The following SHQ1 variants were observed in gnomAD, a reference collection of about 807,000 sequenced individuals.
SHQ1 encodes the protein protein SHQ1 homolog.
Under a neutral mutation model 53.8 loss-of-function variants are expected in SHQ1, and 49 were observed. That is an observed-to-expected ratio of 0.91 (90% confidence interval 0.72 to 1.16). SHQ1 has a LOEUF of 1.16. Ranked by LOEUF, SHQ1 falls within the 50% of genes most tolerant of loss-of-function variation. SHQ1 has a pLI of 0.00. For synonymous variants in SHQ1, 243 were observed against 251.0 expected (o/e 0.97, Z 0.30); for missense variants, 738 against 683.1 (o/e 1.08, Z -0.90).
chr3:72,796,996 G>A (rs1339623265), intron 9 of SHQ1, among the ~76,000 whole-genome samples: 1 of 149,772 alleles, frequency 6.7e-6, no homozygotes, highest in Non-Finnish European at 1.5e-5. Flanking sequence ...AGTGGCTCAT[G>A]CTTGTAATCC....
the SHQ1 span, among the ~76,000 whole-genome samples, chr3:72,731,352 C>A: frequency 4.6e-5 from 7 of 151,534 alleles, no homozygotes; most frequent in Admixed American, 3.9e-4. Flanking sequence ...AAAGACATTT[C>A]CATAAATTCT....
At chr3:72,791,652 T>C (rs1706440684) in intron 10 of SHQ1, among the ~76,000 whole-genome samples, 1 of 152,230 alleles carries the variant, frequency 6.6e-6, no homozygotes, top group South Asian at 2.1e-4. Flanking sequence ...ATTGACATTG[T>C]AGCTATCATT....
chr3:72,743,714 TC>T, the SHQ1 span, among the ~76,000 whole-genome samples: 1 of 152,212 alleles, frequency 6.6e-6, no homozygotes, highest in Non-Finnish European at 1.5e-5. Flanking sequence ...ACAAGTGTCG[TC>T]TGAAGGTGTT....
chr3:72,827,395 T>C (rs1391386408), intron 5 of SHQ1, among the ~76,000 whole-genome samples: 3 of 152,008 alleles, frequency 2.0e-5, no homozygotes, highest in East Asian at 3.9e-4. Context: ...AAAAGGGCCT[T>C]GGACACCACA....
intron 9 of SHQ1, among the ~76,000 whole-genome samples, chr3:72,805,187 A>C (rs1446892027): frequency 6.6e-6 from 1 of 152,260 alleles, no homozygotes; most frequent in African/African-American, 2.4e-5. Flanking sequence ...ATAAGAAAAT[A>C]AAGACACAGT....
the SHQ1 span, among the ~76,000 whole-genome samples, chr3:72,742,115 C>A: frequency 6.6e-6 from 1 of 150,678 alleles, no homozygotes; most frequent in African/African-American, 2.4e-5. Context: ...CCCAGCTACT[C>A]GGGAGACTGA....
intron 10 of SHQ1, among the ~76,000 whole-genome samples, chr3:72,766,369 G>A (rs1245419713): frequency 2.0e-5 from 3 of 151,900 alleles, no homozygotes; most frequent in African/African-American, 7.3e-5. Context: ...CACCTCTGTG[G>A]GCCAACCTGC....
chr3:72,748,967 A>G (rs571183227), downstream of SHQ1, among the ~76,000 whole-genome samples: 16 of 126,702 alleles, frequency 1.3e-4, no homozygotes, highest in South Asian at 3.5e-3. Flanking sequence ...ACACACACGC[A>G]CACGCACACA....
At chr3:72,824,576 T>TA (rs1707589498) in intron 5 of SHQ1, 25 bp from the exon 6 acceptor site, 1 of 1,599,052 alleles carries the variant, frequency 6.3e-7, no homozygotes, top group African/African-American at 1.4e-5. Context: ...TGAAAGAACT[T>TA]ACTATACAGG....
intron 10 of SHQ1, among the ~76,000 whole-genome samples, chr3:72,790,813 T>C (rs1237018657): frequency 2.0e-5 from 3 of 152,230 alleles, no homozygotes; most frequent in Admixed American, 2.0e-4. Context: ...AAGAAAGTTA[T>C]GTTCAAATTG....
At chr3:72,846,508 G>C (rs1317388307) in intron 1 of SHQ1, 1 of 534,152 alleles carries the variant, frequency 1.9e-6, no homozygotes. Flanking sequence ...ATGTTGGTCA[G>C]GCCGGTCTCA....
chr3:72,732,107 G>T, the SHQ1 span, among the ~76,000 whole-genome samples: 1 of 151,560 alleles, frequency 6.6e-6, no homozygotes, highest in Admixed American at 6.6e-5. Context: ...CAAGGAGCAA[G>T]CAGATTGTAA....
chr3:72,799,772 T>C (rs1171533995), intron 9 of SHQ1, among the ~76,000 whole-genome samples: 1 of 152,206 alleles, frequency 6.6e-6, no homozygotes, highest in African/African-American at 2.4e-5. Context: ...CAAACAAAAT[T>C]AACATGAAGC....
intron 1 of SHQ1, chr3:72,846,374 A>T: frequency 1.4e-6 from 2 of 1,425,798 alleles, no homozygotes; most frequent in Admixed American, 2.3e-5. Flanking sequence ...GGCTCACTGC[A>T]ACCTTCGCCC....
At chr3:72,819,122 T>A (rs577754535) in intron 6 of SHQ1, among the ~76,000 whole-genome samples, 13 of 152,332 alleles carry the variant, frequency 8.5e-5, no homozygotes, top group African/African-American at 3.1e-4. Context: ...GTGAAGCTTG[T>A]GATAATTTGT....
chr3:72,732,388 G>GCCTGCCTGCCTGCCTTCCTT, the SHQ1 span, among the ~76,000 whole-genome samples: 3 of 58,182 alleles, frequency 5.2e-5, no homozygotes, highest in African/African-American at 1.8e-4. Context: ...CTGCCTGCCT[G>GCCTGCCTGCCTGCCTTCCTT]CCTTCCTTCC....
chr3:72,726,989 A>T, the SHQ1 span, among the ~76,000 whole-genome samples: 1 of 152,218 alleles, frequency 6.6e-6, no homozygotes, highest in Non-Finnish European at 1.5e-5. Context: ...TCAGAGGAAC[A>T]GAGACTAAAA....
chr3:72,834,078 TTAGAGA>T (rs1454372846), intron 4 of SHQ1, among the ~76,000 whole-genome samples: 3 of 152,228 alleles, frequency 2.0e-5, no homozygotes, highest in African/African-American at 7.2e-5. Context: ...GCTGAATCAG[TTAGAGA>T]TAGGATAGAG....
At chr3:72,772,663 G>A (rs1034567748) in intron 10 of SHQ1, 2 of 717,232 alleles carry the variant, frequency 2.8e-6, no homozygotes, top group Non-Finnish European at 5.2e-6. Flanking sequence ...AGACAATCTT[G>A]ATGGTGCTTC....
Sources: allele counts gnomAD v4.1 joint callset (sites outside exome capture counted in the v4.1 genomes callset), GRCh38; gene constraint gnomAD v4.1.1; transcripts MANE v1.5; gene names NCBI Gene and HGNC (gene_info 2026-07-23, HGNC 2026-07-21).